The following CTXND1 variants were observed in gnomAD, a reference collection of about 807,000 sequenced individuals.
The protein encoded by CTXND1 is cortexin domain containing 1.
chr15:80,204,802 G>A (rs756797944), intron 1 of CTXND1, among the ~76,000 whole-genome samples: 17 of 151,916 alleles, frequency 1.1e-4, no homozygotes, highest in South Asian at 2.1e-4. Context: ...TCAATGCTTT[G>A]GGGTATATAA....
chr15:80,227,527 GACC>G (rs66508024), intron 1 of CTXND1, among the ~76,000 whole-genome samples: 27,974 of 151,766 alleles, frequency 0.18, 2,850 homozygotes, highest in Middle Eastern at 0.24. Context: ...TTCGGTTCTA[GACC>G]ACCACAATTA....
intron 1 of CTXND1, among the ~76,000 whole-genome samples, chr15:80,247,248 C>G (rs1893642395): frequency 6.6e-6 from 1 of 152,080 alleles, no homozygotes; most frequent in South Asian, 2.1e-4. Flanking sequence ...CTCTCCCTTC[C>G]CCATCCTCCC....
At position 80,203,720 on chromosome 15, in the gene CTXND1, C is replaced by T. The variant is rs918702058; in HGVS notation, c.-197G>A. The T allele has an allele frequency of 1.3e-5, 2 of 151,982 alleles. No homozygotes were observed. Among genetic ancestry groups the T allele is most frequent in the African/African-American group, 4.8e-5 (2 of 41,340 alleles). 9.4% of individuals were successfully genotyped at this position (151,982 alleles called of 1,614,324 possible). A position where few individuals can be genotyped will look rare whatever the true frequency, so the allele number is the denominator to read the frequency against. On this transcript the variant is annotated 5_prime_UTR_variant, in exon 2 of 3. Coordinates refer to ENST00000560778, the MANE Select transcript of CTXND1 (RefSeq NM_001352888.2). The stretch of plus-strand genomic sequence containing the variant: ...ACTGAGAGCAGGCACTGTGCTGGCT[C>T]GTGGGGGCGCTGGAGTGTGACTGTA...
intron 1 of CTXND1, among the ~76,000 whole-genome samples, chr15:80,210,078 G>C (rs1171487161): frequency 6.6e-6 from 1 of 152,172 alleles, no homozygotes; most frequent in Non-Finnish European, 1.5e-5. Flanking sequence ...CAGCATTTTG[G>C]CTACATTTGA....
intron 1 of CTXND1, among the ~76,000 whole-genome samples, chr15:80,243,676 T>C (rs1389675500): frequency 5.9e-5 from 9 of 152,150 alleles, no homozygotes; most frequent in Non-Finnish European, 1.2e-4. Flanking sequence ...CAAGGGTAAA[T>C]GATGCCTCCC....
At chr15:80,215,917 C>T (rs1456295959) in intron 1 of CTXND1, among the ~76,000 whole-genome samples, 1 of 152,200 alleles carries the variant, frequency 6.6e-6, no homozygotes, top group African/African-American at 2.4e-5. Flanking sequence ...GGTGGAGTCT[C>T]AATCACTTCC....
chr15:80,248,894 G>A (rs1007396888), intron 1 of CTXND1, among the ~76,000 whole-genome samples: 1 of 152,124 alleles, frequency 6.6e-6, no homozygotes, highest in South Asian at 2.1e-4. Context: ...ACCCATGTCT[G>A]CCACCAGGCT....
chr15:80,241,010 T>C (rs1276751594), intron 1 of CTXND1, among the ~76,000 whole-genome samples: 1 of 152,252 alleles, frequency 6.6e-6, no homozygotes, highest in Non-Finnish European at 1.5e-5. Flanking sequence ...GAAATGCTGC[T>C]GCTCACGGAA....
chr15:80,241,959 A>T (rs1489470248), intron 1 of CTXND1, among the ~76,000 whole-genome samples: 1 of 152,128 alleles, frequency 6.6e-6, no homozygotes, highest in East Asian at 1.9e-4. Context: ...TCCGTATCCC[A>T]CTTTTTCACT....
intron 1 of CTXND1, among the ~76,000 whole-genome samples, chr15:80,222,449 C>T (rs11634732): frequency 0.16 from 24,826 of 152,028 alleles, 2,107 homozygotes; most frequent in East Asian, 0.28. Context: ...AACTATAATA[C>T]TTCTATCATA....
intron 1 of CTXND1, among the ~76,000 whole-genome samples, chr15:80,248,988 T>C (rs1212837886): frequency 6.6e-6 from 1 of 152,090 alleles, no homozygotes; most frequent in African/African-American, 2.4e-5. Context: ...GGTCTCACTA[T>C]GTTGCCCAGG....
At chr15:80,220,153 CT>C (rs147214696) in intron 1 of CTXND1, among the ~76,000 whole-genome samples, 2,872 of 96,976 alleles carry the variant, frequency 0.03, 36 homozygotes, top group Non-Finnish European at 0.034. Flanking sequence ...TATCATCTAT[CT>C]ATCTATCTAT....
intron 1 of CTXND1, among the ~76,000 whole-genome samples, chr15:80,215,080 G>GA (rs1893237611): frequency 6.6e-6 from 1 of 152,132 alleles, no homozygotes; most frequent in Non-Finnish European, 1.5e-5. Context: ...AAATGAAATA[G>GA]AAAACCCAAA....
intron 1 of CTXND1, among the ~76,000 whole-genome samples, chr15:80,228,644 T>TTTTTTTTG (rs1295371279): frequency 6.6e-6 from 1 of 151,594 alleles, no homozygotes; most frequent in African/African-American, 2.4e-5. Flanking sequence ...AACTTTTTTT[T>TTTTTTTTG]TTGGAGACAC....
rs1281200038 is a variant in CTXND1, at chr15:80,201,588, G to A, written c.*182C>T. On this transcript the variant is annotated 3_prime_UTR_variant, in exon 3 of 3. Transcript: ENST00000560778. ...CATGGTTGCGACACCCACGGCACCC[G>A]GGCATTCCACGCTGGTGCTCGAGGG... 13 of 392,636 alleles carry A rather than the reference G, an allele frequency of 3.3e-5. No individual in the cohort carries two copies. The highest frequency in any genetic ancestry group is 4.9e-5 in the Non-Finnish European group (11 of 222,880). 24.3% of individuals were successfully genotyped at this position (392,636 alleles called of 1,614,324 possible). A position where few individuals can be genotyped will look rare whatever the true frequency, so the allele number is the denominator to read the frequency against.
intron 1 of CTXND1, among the ~76,000 whole-genome samples, chr15:80,217,646 A>G (rs1181117320): frequency 3.9e-5 from 6 of 152,004 alleles, no homozygotes; most frequent in Non-Finnish European, 8.8e-5. Context: ...TAATGTGTTC[A>G]AGCCATCCTC....
At chr15:80,204,491 G>A (rs1016911555) in intron 1 of CTXND1, among the ~76,000 whole-genome samples, 2 of 151,292 alleles carry the variant, frequency 1.3e-5, no homozygotes, top group African/African-American at 4.9e-5. Flanking sequence ...ATGTCTCTAT[G>A]AATCTGACTG....
chr15:80,212,776 A>G (rs1217119065), intron 1 of CTXND1, among the ~76,000 whole-genome samples: 2 of 152,226 alleles, frequency 1.3e-5, no homozygotes, highest in Non-Finnish European at 2.9e-5. Context: ...AGGGACAGAG[A>G]CAAAATGAAA....
At chr15:80,247,526 G>A (rs952206626) in intron 1 of CTXND1, among the ~76,000 whole-genome samples, 3 of 151,938 alleles carry the variant, frequency 2.0e-5, no homozygotes, top group Non-Finnish European at 4.4e-5. Flanking sequence ...TGGTAAGGGA[G>A]GAATTTAGTC....
Sources: gnomAD v4.1 joint callset for allele counts (sites outside exome capture counted in the v4.1 genomes callset) on GRCh38, gnomAD v4.1.1 for gene constraint, MANE v1.5 for transcripts, NCBI Gene and HGNC (gene_info 2026-07-23, HGNC 2026-07-21) for gene names.